The following KIAA0825 variants were observed in gnomAD, a reference collection of about 807,000 sequenced individuals.
KIAA0825 encodes KIAA0825.
A neutral mutation model predicts 147.6 loss-of-function variants in KIAA0825; 119 were observed. That is an observed-to-expected ratio of 0.81 (90% CI 0.69 to 0.94). The LOEUF is 0.94. Ranked by LOEUF, KIAA0825 falls within the 40% of genes least tolerant of loss-of-function variation. KIAA0825 has a pLI of 0.00. For synonymous variants in KIAA0825, 470 were observed against 518.1 expected (o/e 0.91, Z 1.26); for missense variants, 1,381 against 1,472.7 (o/e 0.94, Z 1.02).
At chr5:94,388,069 G>T (rs1432682041) in intron 18 of KIAA0825, among the ~76,000 whole-genome samples, 1 of 152,172 alleles carries the variant, frequency 6.6e-6, no homozygotes, top group Non-Finnish European at 1.5e-5. Flanking sequence ...ATTTTTCCAT[G>T]GACATGGACC....
intron 20 of KIAA0825, among the ~76,000 whole-genome samples, chr5:94,321,476 G>A (rs1163288059): frequency 6.6e-6 from 1 of 151,948 alleles, no homozygotes; most frequent in Non-Finnish European, 1.5e-5. Context: ...TAAGAAAAGT[G>A]AGGCACTGAA....
chr5:94,263,717 G>A (rs1420370107), intron 20 of KIAA0825, among the ~76,000 whole-genome samples: 1 of 151,470 alleles, frequency 6.6e-6, no homozygotes, highest in Non-Finnish European at 1.5e-5. Context: ...TCCACCAAAT[G>A]TTTCCAAATT....
chr5:94,306,088 G>A (rs1778713340), intron 20 of KIAA0825, among the ~76,000 whole-genome samples: 1 of 151,250 alleles, frequency 6.6e-6, no homozygotes, highest in Admixed American at 6.6e-5. Flanking sequence ...ACAAAATAAT[G>A]AATAAAACAA....
intron 15 of KIAA0825, chr5:94,416,930 A>C (rs549267912): frequency 3.6e-6 from 1 of 277,296 alleles, no homozygotes; most frequent in South Asian, 7.2e-5. Context: ...TATTAAAATA[A>C]ATTTTTATGA....
intron 2 of KIAA0825, among the ~76,000 whole-genome samples, chr5:94,538,411 C>G (rs371181111): frequency 6.6e-6 from 1 of 152,174 alleles, no homozygotes; most frequent in African/African-American, 2.4e-5. Context: ...ATGACTCTTA[C>G]GACATCTGCT....
At chr5:94,489,875 G>A in intron 5 of KIAA0825, among the ~76,000 whole-genome samples, 1 of 139,290 alleles carries the variant, frequency 7.2e-6, no homozygotes. Flanking sequence ...GACACAGAGA[G>A]AGACTCTGTC....
intron 15 of KIAA0825, among the ~76,000 whole-genome samples, chr5:94,408,234 T>G (rs1052153963): frequency 2.3e-4 from 35 of 152,300 alleles, no homozygotes; most frequent in African/African-American, 8.2e-4. Flanking sequence ...AAGGGAGAGA[T>G]AATTTTGGAG....
chr5:94,215,858 T>C (rs1049392938), intron 20 of KIAA0825, among the ~76,000 whole-genome samples: 1 of 152,088 alleles, frequency 6.6e-6, no homozygotes, highest in Admixed American at 6.6e-5. Context: ...TTGCATCTCG[T>C]AAACCCCTAA....
intron 2 of KIAA0825, among the ~76,000 whole-genome samples, chr5:94,545,528 A>G (rs1774185025): frequency 6.6e-6 from 1 of 152,164 alleles, no homozygotes; most frequent in Non-Finnish European, 1.5e-5. Context: ...CTCAGCAACA[A>G]TAGTACAGGG....
chr5:94,358,221 A>G (rs1005030433), intron 20 of KIAA0825, among the ~76,000 whole-genome samples: 17 of 152,156 alleles, frequency 1.1e-4, no homozygotes, highest in South Asian at 6.2e-4. Context: ...TTTTTCCCCA[A>G]TCCTGCTCTA....
chr5:94,404,518 A>C (rs1399395800), intron 15 of KIAA0825, among the ~76,000 whole-genome samples: 1 of 152,094 alleles, frequency 6.6e-6, no homozygotes, highest in African/African-American at 2.4e-5. Flanking sequence ...GAATCTTACC[A>C]AGAGTTTCCT....
At chr5:94,259,455 G>T (rs1562338401) in intron 20 of KIAA0825, among the ~76,000 whole-genome samples, 1 of 152,112 alleles carries the variant, frequency 6.6e-6, no homozygotes, top group East Asian at 1.9e-4. Context: ...GAAACACACA[G>T]TGTATTGTGT....
intron 5 of KIAA0825, among the ~76,000 whole-genome samples, chr5:94,511,655 T>C (rs2151166160): frequency 6.6e-6 from 1 of 151,852 alleles, no homozygotes; most frequent in South Asian, 2.1e-4. Flanking sequence ...ACAGTGAAGA[T>C]GTTAAATAAC....
At chr5:94,253,162 A>G (rs1349037833) in intron 20 of KIAA0825, among the ~76,000 whole-genome samples, 1 of 152,164 alleles carries the variant, frequency 6.6e-6, no homozygotes, top group African/African-American at 2.4e-5. Context: ...TATCTTAGAT[A>G]TATAACTTTA....
intron 20 of KIAA0825, among the ~76,000 whole-genome samples, chr5:94,345,464 C>T (rs140051610): frequency 9.5e-4 from 144 of 152,210 alleles, no homozygotes; most frequent in African/African-American, 3.3e-3. Flanking sequence ...TTGGAGTCAA[C>T]TGTCAGCCTT....
intron 14 of KIAA0825, among the ~76,000 whole-genome samples, chr5:94,437,629 A>C (rs890109170): frequency 5.3e-5 from 8 of 152,242 alleles, no homozygotes; most frequent in Non-Finnish European, 1.2e-4. Flanking sequence ...TTGTAAGAGA[A>C]CATGGTTAAA....
intron 5 of KIAA0825, among the ~76,000 whole-genome samples, chr5:94,494,495 T>G (rs1764127057): frequency 6.6e-6 from 1 of 152,166 alleles, no homozygotes; most frequent in Non-Finnish European, 1.5e-5. Context: ...AGCTGACTTT[T>G]GTTTTATGCT....
intron 3 of KIAA0825, among the ~76,000 whole-genome samples, chr5:94,536,563 A>G (rs1048005133): frequency 2.0e-5 from 3 of 152,232 alleles, no homozygotes; most frequent in Admixed American, 2.0e-4. Context: ...CTAGCATAAC[A>G]ACTCTCTATA....
Position 94,386,267 on chromosome 5 carries a change from A to G in KIAA0825, c.3594T>C (p.Phe1198=). The G allele has an allele frequency of 6.5e-7, 1 of 1,550,134 alleles. No homozygotes were observed. The highest frequency in any genetic ancestry group is 8.7e-7 in the Non-Finnish European group (1 of 1,146,404). ...AFNPFHVYKA[F]SENMLDQVSI... is the part of the protein sequence containing the mutation. ...ATACCTGATCTAGCATGTTTTCACT[A>G]AACGCCTTATACACATGGAAAGGGT... is the stretch of plus-strand genomic sequence containing the variant. The change falls in exon 19 of 21, where the codon TTT becomes TTC. Residue 1198 remains phenylalanine, a synonymous_variant. Transcript: ENST00000682413.
Sources: gnomAD v4.1 joint callset for allele counts (sites outside exome capture counted in the v4.1 genomes callset) on GRCh38, gnomAD v4.1.1 for gene constraint, MANE v1.5 for transcripts, NCBI Gene and HGNC (gene_info 2026-07-23, HGNC 2026-07-21) for gene names.